The following STPG4 variants were observed in gnomAD, a reference collection of about 807,000 sequenced individuals.
STPG4 encodes sperm-tail PG-rich repeat containing 4, also known as protein STPG4.
Under a neutral mutation model 31.5 loss-of-function variants are expected in STPG4, and 41 were observed. The ratio of observed to expected loss-of-function variants is 1.30; its 90% CI spans 1.01 to 1.69. STPG4 has a LOEUF of 1.69. STPG4 is among the 40% of genes most tolerant of loss of function. The probability of loss-of-function intolerance (pLI) is 0.00; values close to 1 mark genes in which losing one functional copy is unlikely to be tolerated. For synonymous variants in STPG4, 141 were observed against 103.0 expected, an observed-to-expected ratio of 1.37 and a Z score of -2.24; for missense variants, 375 against 293.4, an observed-to-expected ratio of 1.28 and a Z score of -2.03.
chr2:47,113,309 ACTT>A (rs1686078849), intron 5 of STPG4, among the ~76,000 whole-genome samples: 1 of 152,188 alleles, frequency 6.6e-6, no homozygotes, highest in Non-Finnish European at 1.5e-5. Flanking sequence ...TCCCTGAAAA[ACTT>A]CAACAAATAT....
intron 5 of STPG4, among the ~76,000 whole-genome samples, chr2:47,119,913 A>T (rs957331271): frequency 2.6e-5 from 4 of 152,224 alleles, no homozygotes; most frequent in Non-Finnish European, 5.9e-5. Context: ...TTATATATGG[A>T]GGTTATACAT....
chr2:47,096,500 T>A (rs967914846), intron 5 of STPG4, among the ~76,000 whole-genome samples: 3 of 152,196 alleles, frequency 2.0e-5, no homozygotes, highest in Non-Finnish European at 2.9e-5. Flanking sequence ...CTGTGCTGAT[T>A]TAATTAGTAG....
intron 1 of STPG4, 62 bp from the exon 2 acceptor site, chr2:47,153,078 A>T: frequency 7.8e-7 from 1 of 1,278,012 alleles, no homozygotes; most frequent in African/African-American, 1.5e-5. Flanking sequence ...ATTAAATATA[A>T]TTTATAAAAC....
chr2:47,087,209 T>G, intron 6 of STPG4, 79 bp from the exon 7 acceptor site: 1 of 1,483,176 alleles, frequency 6.7e-7, no homozygotes, highest in South Asian at 1.3e-5. Context: ...GCCACTGGCT[T>G]GGATGTGGTG....
chr2:47,103,145 T>G (rs953276338), intron 5 of STPG4, among the ~76,000 whole-genome samples: 2 of 151,918 alleles, frequency 1.3e-5, no homozygotes, highest in Admixed American at 1.3e-4. Context: ...TCATGGGGAC[T>G]GGAGTCGTAA....
At chr2:47,127,252 C>CTTTTTTTTGTTT (rs1686383380) in intron 5 of STPG4, among the ~76,000 whole-genome samples, 1 of 57,456 alleles carries the variant, frequency 1.7e-5, no homozygotes, top group Non-Finnish European at 2.8e-5. Context: ...CAAGCTAATT[C>CTTTTTTTTGTTT]TTTTTTTTTT....
In STPG4 at chr2:47,087,143, C is replaced by G. The variant is rs888092354; in HGVS notation, c.625-13G>C. 24 of 1,551,300 alleles carry G rather than the reference C, an allele frequency of 1.5e-5. No individual in the cohort carries two copies. The Admixed American group carries it at 2.2e-4, about 14-fold the overall frequency. On this transcript the variant is annotated splice_polypyrimidine_tract_variant and intron_variant, in intron 6 of 6. Coordinates refer to ENST00000445927, the MANE Select transcript of STPG4 (RefSeq NM_001163561.2). ...GGCCTGGGGTTTTCTGAAAACAGAG[C>G]AGAAAACAGGGACTGATGAGACAGT...
Position 47,155,223 on chromosome 2 carries a change from G to A in STPG4, c.29C>T (p.Ser10Phe), listed in dbSNP as rs1687008238. 5 of 1,614,066 alleles carry A rather than the reference G, an allele frequency of 3.1e-6. No individual in the cohort carries two copies. In the African/African-American group the frequency reaches 4.0e-5, roughly 13 times the overall value. ...CACCAGGTCTTCCCTTATTGAGGTGGAAGCGGTGGCGACGGCTGGCTGGTC... is the reference window on the plus strand; with the variant it reads ...CACCAGGTCTTCCCTTATTGAGGTGAAAGCGGTGGCGACGGCTGGCTGGTC... MDQPAVATASTSIREDLVGG... is the reference protein window; with the variant it reads MDQPAVATAFTSIREDLVGG... Residue 10 changes from serine (S) to phenylalanine (F), a missense_variant, in exon 1 of 7, where the codon TCC becomes TTC. Transcript: ENST00000445927.
intron 5 of STPG4, among the ~76,000 whole-genome samples, chr2:47,090,856 A>C (rs1685557290): frequency 6.6e-6 from 1 of 152,008 alleles, no homozygotes. Flanking sequence ...TATAAGCACA[A>C]TGCTATGAGA....
In STPG4 at chr2:47,131,290, C is replaced by T. The variant is rs557364620; in HGVS notation, c.400-1030G>A. 7.9e-5 allele frequency among the ~76,000 whole-genome samples: 12 copies of T among 152,090 alleles called. No individual in the cohort carries two copies. In the East Asian group the frequency reaches 2.3e-3, roughly 29 times the overall value. On this transcript the variant is annotated intron_variant, in intron 3 of 6. Coordinates refer to ENST00000445927, the MANE Select transcript of STPG4 (RefSeq NM_001163561.2). ...CACAGATGCGCACCACCATACCTGG[C>T]TAATTTTCTTGGTCTTAATAGAGAC...
intron 5 of STPG4, among the ~76,000 whole-genome samples, chr2:47,095,022 A>C (rs1421159746): frequency 1.3e-5 from 2 of 152,198 alleles, no homozygotes; most frequent in African/African-American, 4.8e-5. Context: ...AGGGCAGCCA[A>C]ATGCCAGATG....
chr2:47,110,726 CAT>C lies in STPG4; in HGVS notation c.519+19213_519+19214del, dbSNP rs566396191. ...TAATGCATTTCCTATTTTTCATACA[CAT>C]GATTTTTCTGACATTAATCACAATA... On this transcript the variant is annotated intron_variant, in intron 5 of 6. Transcript: ENST00000445927. Among the ~76,000 whole-genome samples, 4 of 152,336 alleles carry C rather than the reference CAT, an allele frequency of 2.6e-5. No homozygotes were observed. The South Asian group carries it at 8.3e-4, about 32-fold the overall frequency.
rs1418027168 is a variant in STPG4 at position 47,093,020 on chromosome 2, T to C, written c.520-2646A>G. 1.3e-5 allele frequency among the ~76,000 whole-genome samples: 2 copies of C among 152,198 alleles called. 1 individual carries two copies. The highest frequency in any genetic ancestry group is 3.9e-4 in the East Asian group (2 of 5,194). On this transcript the variant is annotated intron_variant, in intron 5 of 6. Coordinates refer to ENST00000445927, the MANE Select transcript of STPG4 (RefSeq NM_001163561.2). ...ATTGGCCAGGCTGGTCTCGAACTCCTGACCTCATGATCTGCCCGCCTCAGC... is the reference window on the plus strand; with the variant it reads ...ATTGGCCAGGCTGGTCTCGAACTCCCGACCTCATGATCTGCCCGCCTCAGC...
intron 5 of STPG4, among the ~76,000 whole-genome samples, chr2:47,111,396 G>A (rs1250557915): frequency 1.3e-5 from 2 of 152,210 alleles, no homozygotes; most frequent in African/African-American, 4.8e-5. Flanking sequence ...AAATCATGCA[G>A]TTTTAAGGTG....
At chr2:47,131,628 T>C (rs1686486841) in intron 3 of STPG4, among the ~76,000 whole-genome samples, 1 of 151,972 alleles carries the variant, frequency 6.6e-6, no homozygotes. Flanking sequence ...AGATTGAAGA[T>C]ATGGGGGTAG....
In STPG4 at chr2:47,133,570, C is replaced by CTTTTTTTTTTTTTTTTTTTTTTT. The variant is rs10682288; in HGVS notation, c.400-3333_400-3311dup. ...ATCCATGCTGATTAGGCACTCAAAT[C>CTTTTTTTTTTTTTTTTTTTTTTT]TTTTTTTTTTTTTTTTTTTTTTTTG... On this transcript the variant is annotated intron_variant, in intron 3 of 6. Transcript: ENST00000445927. Among the ~76,000 whole-genome samples the CTTTTTTTTTTTTTTTTTTTTTTT allele has an allele frequency of 1.9e-4, 13 of 67,142 alleles. 5 individuals carry two copies. The highest frequency in any genetic ancestry group is 3.3e-4 in the Non-Finnish European group (13 of 39,824). The allele number at this position is 67,142 out of a possible 152,430, so 44.0% of individuals were successfully genotyped here.
chr2:47,145,137 T>G (rs1221032826), intron 3 of STPG4, among the ~76,000 whole-genome samples: 1 of 152,242 alleles, frequency 6.6e-6, no homozygotes, highest in Non-Finnish European at 1.5e-5. Context: ...GGCTTAATTT[T>G]GTCTAGAGAA....
intron 5 of STPG4, among the ~76,000 whole-genome samples, chr2:47,097,599 G>A (rs544149898): frequency 8.5e-5 from 13 of 152,104 alleles, no homozygotes; most frequent in African/African-American, 1.9e-4. Flanking sequence ...TCTGCCCTTC[G>A]CCACGTGCAG....
intron 5 of STPG4, among the ~76,000 whole-genome samples, chr2:47,097,644 C>A (rs889457439): frequency 3.9e-5 from 6 of 152,120 alleles, no homozygotes; most frequent in Non-Finnish European, 5.9e-5. Context: ...AGGAAGGGGC[C>A]CTCATCAGAC....
Sources: gnomAD v4.1 joint callset for allele counts (sites outside exome capture counted in the v4.1 genomes callset) on GRCh38, gnomAD v4.1.1 for gene constraint, MANE v1.5 for transcripts, NCBI Gene and HGNC (gene_info 2026-07-23, HGNC 2026-07-21) for gene names.